The following CALN1 variants were observed in gnomAD, a reference collection of about 807,000 sequenced individuals.
CALN1 encodes calneuron 1.
In CALN1, 17 loss-of-function variants were observed where a neutral mutation model predicts 30.6. That is an observed-to-expected ratio of 0.56 (90% CI 0.38 to 0.83). The LOEUF (loss-of-function observed/expected upper bound fraction) is 0.83. CALN1 is among the 40% of genes least tolerant of loss of function. The pLI, the probability that CALN1 is intolerant of heterozygous loss-of-function variation, is 0.00. For missense variants in CALN1, 291 were observed against 354.9 expected (o/e 0.82, Z 1.45); for synonymous variants, 156 against 131.4 (o/e 1.19, Z -1.28).
At chr7:72,167,049 AAAAG>A (rs1319415989) in intron 3 of CALN1, among the ~76,000 whole-genome samples, 1 of 152,250 alleles carries the variant, frequency 6.6e-6, no homozygotes, top group Non-Finnish European at 1.5e-5. Context: ...AAAAAAAAGA[AAAAG>A]AAAAAGAAAA....
At chr7:72,327,506 C>T (rs1003841309) in intron 2 of CALN1, among the ~76,000 whole-genome samples, 7 of 152,046 alleles carry the variant, frequency 4.6e-5, no homozygotes, top group Admixed American at 2.0e-4. Context: ...AATAAATAAA[C>T]GAACACTTCA....
intron 3 of CALN1, among the ~76,000 whole-genome samples, chr7:72,183,786 TG>T (rs1030330894): frequency 6.6e-6 from 1 of 152,190 alleles, no homozygotes; most frequent in Non-Finnish European, 1.5e-5. Context: ...TAATGTTCTC[TG>T]GAAAGTAAAT....
chr7:72,400,477 G>C (rs1017331700), intron 2 of CALN1, among the ~76,000 whole-genome samples: 1 of 152,174 alleles, frequency 6.6e-6, no homozygotes, highest in African/African-American at 2.4e-5. Context: ...ACCGGCCATT[G>C]CTTGGCATTG....
the CALN1 span, among the ~76,000 whole-genome samples, chr7:72,502,642 C>T: frequency 1.3e-5 from 2 of 152,006 alleles, no homozygotes; most frequent in African/African-American, 4.8e-5. Flanking sequence ...TATTGACTTC[C>T]TAATATGGAA....
intron 3 of CALN1, among the ~76,000 whole-genome samples, chr7:72,143,733 G>A (rs538355970): frequency 6.0e-5 from 9 of 150,996 alleles, no homozygotes; most frequent in Non-Finnish European, 1.2e-4. Context: ...GAGAAAGGTC[G>A]GGTTACCCAC....
rs1169545077 is a variant in CALN1 at position 71,970,166 on chromosome 7, TG to T, written c.501+53490del. Among the ~76,000 whole-genome samples, 12 of 152,192 alleles carry T rather than the reference TG, an allele frequency of 7.9e-5. No homozygotes were observed. In the East Asian group the frequency reaches 2.3e-3, roughly 29 times the overall value. ...GCCCGGCCCAGCAACCCATTCCTAA[TG>T]GGGCACAGAACAGATACAATGTACT... On this transcript the variant is annotated intron_variant, in intron 5 of 6. Transcript: ENST00000395275.
the CALN1 span, among the ~76,000 whole-genome samples, chr7:72,487,193 T>C: frequency 1.3e-5 from 2 of 151,978 alleles, no homozygotes; most frequent in Non-Finnish European, 2.9e-5. Flanking sequence ...TCATCTTTGA[T>C]ATGGGTGAGG....
At chr7:72,205,549 A>AT (rs1275919804) in intron 3 of CALN1, among the ~76,000 whole-genome samples, 7 of 59,916 alleles carry the variant, frequency 1.2e-4, no homozygotes, top group African/African-American at 2.8e-4. Flanking sequence ...TTGCAAAAAA[A>AT]AAATATATAT....
chr7:71,889,967 A>G (rs546897698), intron 5 of CALN1, among the ~76,000 whole-genome samples: 2 of 102,870 alleles, frequency 1.9e-5, no homozygotes, highest in East Asian at 6.3e-4. Flanking sequence ...TCTGTCTCGG[A>G]AAAAAAAAAA....
chr7:72,329,042 T>C (rs999608502), intron 2 of CALN1, among the ~76,000 whole-genome samples: 3 of 152,262 alleles, frequency 2.0e-5, no homozygotes, highest in Non-Finnish European at 2.9e-5. Flanking sequence ...TGTAAATGTG[T>C]GTTCATTTGC....
At position 72,100,164 on chromosome 7, in the gene CALN1, GTT is replaced by G. The variant is rs11309480; in HGVS notation, c.388+5985_388+5986del. Among the ~76,000 whole-genome samples the G allele has an allele frequency of 1.9e-3, 278 of 149,878 alleles. 6 individuals carry two copies. In the East Asian group the frequency reaches 0.038, roughly 21 times the overall value. On this transcript the variant is annotated intron_variant, in intron 4 of 6. Coordinates refer to ENST00000395275, the MANE Select transcript of CALN1 (RefSeq NM_031468.4). ...TTTTTTAATTTTTTTGAGTTTTTTT[GTT>G]TTTTTTTTAGAGATAAGGGTCTAGC...
At position 71,787,696 on chromosome 7, in the gene CALN1, G is replaced by A; in HGVS notation, c.*79C>T. The A allele has an allele frequency of 6.4e-7, 1 of 1,573,926 alleles. No homozygotes were observed. The highest frequency in any genetic ancestry group is 8.6e-7 in the Non-Finnish European group (1 of 1,159,400). On this transcript the variant is annotated 3_prime_UTR_variant, in exon 7 of 7. Coordinates refer to ENST00000395275, the MANE Select transcript of CALN1 (RefSeq NM_031468.4). Reference sequence around the variant, plus strand: ...ATCCATAGTCCATAGGTCCGTGTCTGCTGTGTGGAGGAAGAGTCTGCCCGC... The same window carrying A: ...ATCCATAGTCCATAGGTCCGTGTCTACTGTGTGGAGGAAGAGTCTGCCCGC...
intron 4 of CALN1, among the ~76,000 whole-genome samples, chr7:72,057,235 T>G (rs1043471691): frequency 6.6e-6 from 1 of 152,170 alleles, no homozygotes; most frequent in African/African-American, 2.4e-5. Context: ...GCTTGAGCCA[T>G]GAAGCCTGGC....
intron 2 of CALN1, among the ~76,000 whole-genome samples, chr7:72,347,370 G>T (rs886292045): frequency 7.2e-5 from 11 of 151,746 alleles, no homozygotes; most frequent in African/African-American, 2.4e-4. Context: ...GGGTTCAAGC[G>T]ATTCTCCTGC....
chr7:72,323,677 A>AAAAT, intron 2 of CALN1, among the ~76,000 whole-genome samples: 1 of 134,822 alleles, frequency 7.4e-6, no homozygotes, highest in Non-Finnish European at 1.7e-5. Context: ...AAAAAAAATA[A>AAAAT]AAAATAAAGA....
At chr7:71,844,742 G>A (rs1461200531) in intron 5 of CALN1, among the ~76,000 whole-genome samples, 1 of 152,140 alleles carries the variant, frequency 6.6e-6, no homozygotes, top group African/African-American at 2.4e-5. Context: ...ACTCACCCCT[G>A]AGACAAATGT....
chr7:72,157,496 C>A (rs1383420043), intron 3 of CALN1, among the ~76,000 whole-genome samples: 5 of 151,880 alleles, frequency 3.3e-5, no homozygotes, highest in Admixed American at 2.0e-4. Context: ...GAGAAGGTGA[C>A]ATTTCCACTG....
intron 3 of CALN1, among the ~76,000 whole-genome samples, chr7:72,247,049 C>T (rs769271263): frequency 7.3e-5 from 11 of 151,636 alleles, no homozygotes; most frequent in East Asian, 2.0e-4. Context: ...CCACTGTGCC[C>T]GGCCAGCCCT....
At chr7:72,501,631 C>T in the CALN1 span, among the ~76,000 whole-genome samples, 1 of 151,206 alleles carries the variant, frequency 6.6e-6, no homozygotes, top group African/African-American at 2.4e-5. Context: ...ATATTCTTGG[C>T]TGGGCGCAGT....
Sources: gnomAD v4.1 joint callset for allele counts (sites outside exome capture counted in the v4.1 genomes callset) on GRCh38, gnomAD v4.1.1 for gene constraint, MANE v1.5 for transcripts, NCBI Gene and HGNC (gene_info 2026-07-23, HGNC 2026-07-21) for gene names.